The following NAALADL2 variants were observed in gnomAD, a reference collection of about 807,000 sequenced individuals.
NAALADL2 encodes the protein inactive N-acetylated-alpha-linked acidic dipeptidase-like protein 2.
NAALADL2 carries 76 observed loss-of-function variants against 87.2 expected under a neutral mutation model. The observed-to-expected ratio is 0.87, with a 90% CI of 0.72 to 1.05. The LOEUF (loss-of-function observed/expected upper bound fraction) is 1.05, where lower values mean the gene tolerates loss of function less well. Ranked by LOEUF, NAALADL2 falls within the 50% of genes least tolerant of loss-of-function variation. The probability of loss-of-function intolerance (pLI) is 0.00; values close to 1 mark genes in which losing one functional copy is unlikely to be tolerated. For synonymous variants in NAALADL2, 354 were observed against 331.0 expected (o/e 1.07, Z -0.75); for missense variants, 1,089 against 945.8 (o/e 1.15, Z -1.99).
Position 174,756,110 on chromosome 3 carries a change from T to C in NAALADL2, c.-9+18364T>C, listed in dbSNP as rs186751274. 4.2e-4 allele frequency among the ~76,000 whole-genome samples: 64 copies of C among 152,344 alleles called. No homozygotes were observed. In the East Asian group the frequency reaches 0.011, roughly 26 times the overall value. On this transcript the variant is annotated intron_variant, in intron 3 of 3. Transcript: ENST00000434257. ...GGGGCTCCACTAAGAATTTTAGCCTTGTCTGTATTACGTACAATGATTGTA... is the reference window on the plus strand; with the variant it reads ...GGGGCTCCACTAAGAATTTTAGCCTCGTCTGTATTACGTACAATGATTGTA...
intron 5 of NAALADL2, among the ~76,000 whole-genome samples, chr3:175,380,011 G>A (rs1205888702): frequency 6.6e-6 from 1 of 152,040 alleles, no homozygotes; most frequent in African/African-American, 2.4e-5. Context: ...AGAACACATG[G>A]ACACAGGAAG....
intron 1 of NAALADL2, among the ~76,000 whole-genome samples, chr3:174,465,801 A>T (rs985633150): frequency 1.3e-5 from 2 of 152,136 alleles, no homozygotes; most frequent in Non-Finnish European, 2.9e-5. Flanking sequence ...CTAAAGATAT[A>T]CACACTTTTT....
At chr3:175,404,311 G>A (rs929859499) in intron 5 of NAALADL2, among the ~76,000 whole-genome samples, 1 of 152,056 alleles carries the variant, frequency 6.6e-6, no homozygotes, top group Non-Finnish European at 1.5e-5. Flanking sequence ...AATAACATTA[G>A]ATTTTCTTTA....
intron 3 of NAALADL2, among the ~76,000 whole-genome samples, chr3:174,794,787 A>G (rs760384206): frequency 1.9e-4 from 29 of 152,124 alleles, no homozygotes; most frequent in Non-Finnish European, 3.8e-4. Context: ...CACTATAAGT[A>G]AGATATTGCT....
intron 2 of NAALADL2, among the ~76,000 whole-genome samples, chr3:175,149,628 C>T (rs1446683230): frequency 6.6e-6 from 1 of 152,094 alleles, no homozygotes; most frequent in African/African-American, 2.4e-5. Context: ...TAATTCATGA[C>T]ACACTTTTGG....
At chr3:175,058,060 T>C (rs187346095) in intron 1 of NAALADL2, among the ~76,000 whole-genome samples, 1 of 152,354 alleles carries the variant, frequency 6.6e-6, no homozygotes, top group African/African-American at 2.4e-5. Context: ...TAGACATATT[T>C]GATTTAAATA....
At chr3:175,274,321 C>G (rs186083707) in intron 4 of NAALADL2, among the ~76,000 whole-genome samples, 1 of 152,144 alleles carries the variant, frequency 6.6e-6, no homozygotes, top group East Asian at 1.9e-4. Flanking sequence ...CTTCCTCCCA[C>G]GACACGTGGG....
At chr3:175,488,940 G>A (rs1202654011) in intron 9 of NAALADL2, among the ~76,000 whole-genome samples, 3 of 152,174 alleles carry the variant, frequency 2.0e-5, no homozygotes, top group Non-Finnish European at 2.9e-5. Context: ...GCATGAGCAT[G>A]AAATGGCTGA....
intron 3 of NAALADL2, among the ~76,000 whole-genome samples, chr3:175,250,487 T>C (rs568955336): frequency 1.3e-5 from 2 of 152,326 alleles, no homozygotes; most frequent in East Asian, 3.9e-4. Flanking sequence ...GATTCTGGTT[T>C]GATAGTTCTT....
intron 1 of NAALADL2, among the ~76,000 whole-genome samples, chr3:174,911,417 A>G (rs887839955): frequency 2.6e-5 from 4 of 152,156 alleles, no homozygotes; most frequent in African/African-American, 9.7e-5. Context: ...AACTGTATAC[A>G]GCATTTGAAG....
At chr3:175,623,735 T>A (rs1476344761) in intron 10 of NAALADL2, among the ~76,000 whole-genome samples, 3 of 151,958 alleles carry the variant, frequency 2.0e-5, no homozygotes, top group African/African-American at 7.2e-5. Flanking sequence ...AGGAATCTCA[T>A]AAAGCCTCAG....
At chr3:175,418,724 G>T (rs1715115294) in intron 5 of NAALADL2, among the ~76,000 whole-genome samples, 1 of 152,060 alleles carries the variant, frequency 6.6e-6, no homozygotes, top group Non-Finnish European at 1.5e-5. Context: ...TGGTCAAAGG[G>T]GAGGGGGCAG....
chr3:175,587,897 G>T (rs1720770011), intron 10 of NAALADL2, among the ~76,000 whole-genome samples: 1 of 152,088 alleles, frequency 6.6e-6, no homozygotes, highest in South Asian at 2.1e-4. Context: ...ACAGACGACA[G>T]ACCAGATGTG....
intron 3 of NAALADL2, among the ~76,000 whole-genome samples, chr3:174,823,201 G>C (rs1392243861): frequency 1.3e-5 from 2 of 151,536 alleles, no homozygotes; most frequent in Non-Finnish European, 2.9e-5. Flanking sequence ...TTTTGTTGTT[G>C]TTGTTGTTGT....
In NAALADL2 at chr3:175,803,062, T is replaced by C. The variant is rs747697169; in HGVS notation, c.2247T>C (p.Ala749=). Residue 749 remains alanine, a synonymous_variant, in exon 14 of 14, where the codon GCT becomes GCC. Transcript: ENST00000454872. ...GCCGGTTTTCAATACTTATAGAGGC[T>C]TGGGAACACTGCAAACCCCTTGCAT... ...KTSRFSILIE[A]WEHCKPLASN... is the part of the protein sequence containing the mutation. 1.2e-6 allele frequency: 2 copies of C among 1,612,396 alleles called. No homozygotes were observed. The highest frequency in any genetic ancestry group is 1.7e-5 in the Admixed American group (1 of 59,778).
intron 13 of NAALADL2, among the ~76,000 whole-genome samples, chr3:175,760,764 A>G (rs1221642700): frequency 1.3e-5 from 2 of 152,024 alleles, no homozygotes; most frequent in African/African-American, 4.8e-5. Context: ...TTGCCATTAG[A>G]TCCTTTTTTG....
At chr3:175,167,129 A>T (rs530001863) in intron 2 of NAALADL2, among the ~76,000 whole-genome samples, 1 of 152,192 alleles carries the variant, frequency 6.6e-6, no homozygotes, top group African/African-American at 2.4e-5. Context: ...CTATAAACAG[A>T]TGGTAAACAT....
At chr3:175,342,247 T>C (rs565042462) in intron 5 of NAALADL2, among the ~76,000 whole-genome samples, 7 of 152,218 alleles carry the variant, frequency 4.6e-5, no homozygotes, top group Non-Finnish European at 8.8e-5. Context: ...ATACATGTGA[T>C]AGGTTTCAGA....
At chr3:175,766,639 A>G (rs932671882) in intron 13 of NAALADL2, among the ~76,000 whole-genome samples, 10 of 152,252 alleles carry the variant, frequency 6.6e-5, no homozygotes, top group African/African-American at 2.4e-4. Flanking sequence ...CCTTTATTTT[A>G]TCTGCTATTT....
Sources: gnomAD v4.1 joint callset for allele counts (sites outside exome capture counted in the v4.1 genomes callset) on GRCh38, gnomAD v4.1.1 for gene constraint, MANE v1.5 for transcripts, NCBI Gene and HGNC (gene_info 2026-07-23, HGNC 2026-07-21) for gene names.